COG5: variants seen among roughly 807,000 people sequenced by gnomAD.
The protein encoded by COG5 is component of oligomeric golgi complex 5.
Under a neutral mutation model 110.4 loss-of-function variants are expected in COG5, and 86 were observed. The observed-to-expected ratio is 0.78, with a 90% CI of 0.65 to 0.93. COG5 has a LOEUF of 0.93. Among genes scored for constraint, COG5 ranks in the 40% least tolerant of loss-of-function variants. COG5 has a pLI of 0.00. For synonymous variants in COG5, 360 were observed against 334.6 expected (o/e 1.08, Z -0.83); for missense variants, 1,077 against 987.0 (o/e 1.09, Z -1.22).
chr7:107,562,245 G>C (rs758577622), intron 1 of COG5, among the ~76,000 whole-genome samples: 2 of 152,188 alleles, frequency 1.3e-5, no homozygotes, highest in Non-Finnish European at 2.9e-5. Flanking sequence ...GAGAACCAAG[G>C]AGGAAAATAC....
At chr7:107,532,325 G>A (rs561290401) in intron 5 of COG5, among the ~76,000 whole-genome samples, 14 of 152,244 alleles carry the variant, frequency 9.2e-5, no homozygotes, top group African/African-American at 3.4e-4. Context: ...CCAAAGTGCT[G>A]GGATTATAGG....
chr7:107,400,525 C>T (rs1791348564), intron 7 of COG5, among the ~76,000 whole-genome samples: 1 of 152,100 alleles, frequency 6.6e-6, no homozygotes, highest in Non-Finnish European at 1.5e-5. Context: ...AAAGCAATTA[C>T]ACATAGACTA....
At chr7:107,287,827 C>T (rs1304073098) in intron 12 of COG5, among the ~76,000 whole-genome samples, 3 of 152,124 alleles carry the variant, frequency 2.0e-5, no homozygotes, top group African/African-American at 7.2e-5. Flanking sequence ...ATGTACAGTA[C>T]TTCATTTCTT....
At chr7:107,541,552 G>T in intron 5 of COG5, among the ~76,000 whole-genome samples, 1 of 124,150 alleles carries the variant, frequency 8.1e-6, no homozygotes, top group Non-Finnish European at 1.7e-5. Context: ...ATGTATTTAT[G>T]CGTGTGTGTA....
intron 8 of COG5, among the ~76,000 whole-genome samples, chr7:107,367,099 C>T (rs1813694292): frequency 2.6e-5 from 4 of 151,396 alleles, no homozygotes; most frequent in Admixed American, 2.0e-4. Context: ...CATTTTGTCT[C>T]ATTTTCCAAT....
chr7:107,446,966 C>A (rs1054573055), intron 6 of COG5, among the ~76,000 whole-genome samples: 9 of 152,172 alleles, frequency 5.9e-5, no homozygotes, highest in African/African-American at 2.2e-4. Context: ...GCTCAATTGG[C>A]TTTTTCTGCT....
At chr7:107,381,730 A>C (rs1334551346) in intron 7 of COG5, among the ~76,000 whole-genome samples, 3 of 152,242 alleles carry the variant, frequency 2.0e-5, no homozygotes, top group Admixed American at 2.0e-4. Flanking sequence ...CAAGCAAAAC[A>C]ATAATTAACC....
At chr7:107,262,521 G>C (rs1803436875) in intron 14 of COG5, among the ~76,000 whole-genome samples, 1 of 152,050 alleles carries the variant, frequency 6.6e-6, no homozygotes, top group Non-Finnish European at 1.5e-5. Flanking sequence ...TCTAGTCCTG[G>C]GTGAAACCAA....
chr7:107,441,860 T>C (rs756994594), intron 6 of COG5, among the ~76,000 whole-genome samples: 8 of 152,258 alleles, frequency 5.3e-5, no homozygotes, highest in Non-Finnish European at 1.0e-4. Flanking sequence ...GGGATTTATT[T>C]AATAAGTCAC....
At chr7:107,271,415 A>G (rs899143350) in intron 14 of COG5, among the ~76,000 whole-genome samples, 11 of 152,142 alleles carry the variant, frequency 7.2e-5, no homozygotes, top group African/African-American at 2.7e-4. Context: ...CTAATACATG[A>G]ATAGTATATA....
At chr7:107,454,876 G>T (rs1221359643) in intron 6 of COG5, among the ~76,000 whole-genome samples, 1 of 152,156 alleles carries the variant, frequency 6.6e-6, no homozygotes, top group East Asian at 1.9e-4. Flanking sequence ...TTGCCTTTTA[G>T]AGAGTATTTC....
Position 107,229,810 on chromosome 7 carries a change from T to C in COG5, c.2168+805A>G, listed in dbSNP as rs116592998. Reference sequence around the variant, plus strand: ...TATAGTCATTCTCTGCACTTCATCATTGAACTAGATTCTTCTGTTTTTTTT... The same window carrying C: ...TATAGTCATTCTCTGCACTTCATCACTGAACTAGATTCTTCTGTTTTTTTT... On this transcript the variant is annotated intron_variant, in intron 19 of 21. Coordinates refer to ENST00000297135, the MANE Select transcript of COG5 (RefSeq NM_006348.5). Among the ~76,000 whole-genome samples the C allele has an allele frequency of 1.1e-3, 172 of 152,050 alleles. 1 individual carries two copies. Among genetic ancestry groups the C allele is most frequent in the African/African-American group, 3.7e-3 (154 of 41,530 alleles).
intron 6 of COG5, among the ~76,000 whole-genome samples, chr7:107,478,240 C>T (rs1034410575): frequency 2.0e-5 from 3 of 151,874 alleles, no homozygotes; most frequent in African/African-American, 7.2e-5. Flanking sequence ...GTTACTCTAC[C>T]AACTACTACT....
intron 7 of COG5, among the ~76,000 whole-genome samples, chr7:107,404,765 G>T (rs1791687175): frequency 6.6e-6 from 1 of 151,928 alleles, no homozygotes; most frequent in African/African-American, 2.4e-5. Context: ...CAGAGGTGGT[G>T]TGAGAGGACT....
At chr7:107,259,630 G>T (rs1337921880) in intron 14 of COG5, among the ~76,000 whole-genome samples, 1 of 152,020 alleles carries the variant, frequency 6.6e-6, no homozygotes, top group East Asian at 1.9e-4. Context: ...ACTATAATGG[G>T]CATTTAAAAG....
At chr7:107,307,273 C>T (rs1000066034) in intron 11 of COG5, among the ~76,000 whole-genome samples, 1 of 152,132 alleles carries the variant, frequency 6.6e-6, no homozygotes, top group Non-Finnish European at 1.5e-5. Context: ...GTTGATCACT[C>T]TCTCCTTTGA....
intron 14 of COG5, among the ~76,000 whole-genome samples, chr7:107,269,026 T>C (rs2116703656): frequency 6.6e-6 from 1 of 152,338 alleles, no homozygotes; most frequent in East Asian, 1.9e-4. Context: ...TTTCCCTTAT[T>C]TGTCATGATT....
intron 16 of COG5, among the ~76,000 whole-genome samples, chr7:107,255,791 T>C (rs553831360): frequency 5.9e-5 from 9 of 152,224 alleles, no homozygotes; most frequent in East Asian, 1.9e-4. Context: ...AGGATTCATA[T>C]ACAGGTAGTT....
chr7:107,496,543 C>T (rs930348218), intron 6 of COG5, among the ~76,000 whole-genome samples: 1 of 151,776 alleles, frequency 6.6e-6, no homozygotes, highest in East Asian at 1.9e-4. Flanking sequence ...GCCTATAATC[C>T]CAGCTACTTG....
Sources: gnomAD v4.1 joint callset for allele counts (sites outside exome capture counted in the v4.1 genomes callset) on GRCh38, gnomAD v4.1.1 for gene constraint, MANE v1.5 for transcripts, NCBI Gene and HGNC (gene_info 2026-07-23, HGNC 2026-07-21) for gene names.